Variants in HPS3 observed in about 807,000 individuals in gnomAD.
HPS3 encodes HPS3 biogenesis of lysosomal organelles complex 2 subunit 1.
Under a neutral mutation model 110.9 loss-of-function variants are expected in HPS3, and 79 were observed. The observed-to-expected ratio is 0.71, with a 90% CI of 0.59 to 0.86. The LOEUF is 0.86. Among genes scored for constraint, HPS3 ranks in the 40% least tolerant of loss-of-function variants. The probability of loss-of-function intolerance (pLI) is 0.00; values close to 1 mark genes in which losing one functional copy is unlikely to be tolerated. For missense variants in HPS3, 1,197 were observed against 1,206.2 expected (o/e 0.99, Z 0.11); for synonymous variants, 428 against 451.0 (o/e 0.95, Z 0.65).
Position 149,140,244 on chromosome 3 carries a change from C to G in HPS3, c.458C>G (p.Thr153Arg). ...AAAGGAGACCTTCTCGTTGGCTGCA[C>G]AAATAAATTAGTCTTATTTAGTTTG... ...PVKGDLLVGC[T>R]NKLVLFSLKY... The change falls in exon 2 of 17, where the codon ACA becomes AGA. Residue 153 changes from threonine to arginine, a missense_variant. By Grantham distance (71) the Thr-to-Arg change is moderately conservative (BLOSUM62 -1). Transcript: ENST00000296051. 6.2e-7 allele frequency: 1 copy of G among 1,614,090 alleles called. No individual in the cohort carries two copies. Among genetic ancestry groups the G allele is most frequent in the Non-Finnish European group, 8.5e-7 (1 of 1,180,018 alleles).
chr3:149,142,412 C>G (rs1363202214), intron 4 of HPS3, among the ~76,000 whole-genome samples: 1 of 152,130 alleles, frequency 6.6e-6, no homozygotes, highest in Non-Finnish European at 1.5e-5. Context: ...GTTTTCAACC[C>G]TGCCACACAA....
chr3:149,152,987 A>T lies in HPS3; in HGVS notation c.1246-507A>T, dbSNP rs75025818. Among the ~76,000 whole-genome samples the T allele has an allele frequency of 5.7e-3, 863 of 152,348 alleles. 4 individuals carry two copies. The highest frequency in any genetic ancestry group is 0.019 in the African/African-American group (803 of 41,580). On this transcript the variant is annotated intron_variant, in intron 6 of 16. Coordinates refer to ENST00000296051, the MANE Select transcript of HPS3 (RefSeq NM_032383.5). ...TAACAGTCAGGGGCCATCGGAACATACAAGCATTTCTTTCACACACACATC... is the reference window on the plus strand; with the variant it reads ...TAACAGTCAGGGGCCATCGGAACATTCAAGCATTTCTTTCACACACACATC...
At chr3:149,153,009 C>T (rs1723227287) in intron 6 of HPS3, among the ~76,000 whole-genome samples, 1 of 152,226 alleles carries the variant, frequency 6.6e-6, no homozygotes, top group Non-Finnish European at 1.5e-5. Flanking sequence ...TTCACACACA[C>T]ATCCGCAAAG....
rs141023798 is a variant in HPS3 at position 149,160,191 on chromosome 3, C to A, written c.2018C>A (p.Ser673Ter). Reference sequence around the variant, plus strand: ...AAGCTGGATACTTCTGGGTTTTCATCGATCTTAGTGACATTGACCAAGGCA... The same window carrying A: ...AAGCTGGATACTTCTGGGTTTTCATAGATCTTAGTGACATTGACCAAGGCA... ...LRKLDTSGFS[S>*]ILVTLTKAAV... The change falls in exon 11 of 17, where the codon TCG becomes TAG. Residue 673 changes from serine to a stop codon, truncating the protein, a stop_gained. Transcript: ENST00000296051. LOFTEE classifies it high-confidence loss of function. 1.9e-6 allele frequency: 3 copies of A among 1,613,796 alleles called. No homozygotes were observed. The South Asian group carries it at 3.3e-5, about 18-fold the overall frequency.
intron 10 of HPS3, among the ~76,000 whole-genome samples, chr3:149,159,127 G>A (rs1723635684): frequency 6.6e-6 from 1 of 152,170 alleles, no homozygotes; most frequent in Admixed American, 6.5e-5. Flanking sequence ...GTCCTCAGTA[G>A]AGCTACACAG....
At chr3:149,150,525 G>A (rs1576677799) in intron 5 of HPS3, 74 bp from the exon 6 acceptor site, 1 of 1,225,058 alleles carries the variant, frequency 8.2e-7, no homozygotes, top group Non-Finnish European at 1.2e-6. Context: ...CTGTTTGCCT[G>A]TGAAACCCTC....
intron 1 of HPS3, among the ~76,000 whole-genome samples, chr3:149,133,284 T>A (rs75872726): frequency 0.022 from 3,292 of 152,106 alleles, 69 homozygotes; most frequent in Middle Eastern, 0.058. Context: ...TTGTTTTATT[T>A]TTTTATTTTA....
At position 149,129,662 on chromosome 3, in the gene HPS3, A is replaced by C; in HGVS notation, c.-62A>C. On this transcript the variant is annotated 5_prime_UTR_variant, in exon 1 of 17. Coordinates refer to ENST00000296051, the MANE Select transcript of HPS3 (RefSeq NM_032383.5). Reference sequence around the variant, plus strand: ...CGGAAGTAGTCCTACATTCGCGGTCAGCGCGGGGTCTCCGGGCGCCCTGCA... The same window carrying C: ...CGGAAGTAGTCCTACATTCGCGGTCCGCGCGGGGTCTCCGGGCGCCCTGCA... The C allele has an allele frequency of 7.7e-7, 1 of 1,304,860 alleles. No individual in the cohort carries two copies. Among genetic ancestry groups the C allele is most frequent in the Non-Finnish European group, 1.0e-6 (1 of 980,158 alleles). 80.8% of individuals were successfully genotyped at this position (1,304,860 alleles called of 1,614,324 possible).
chr3:149,162,466 G>A (rs1328123793), intron 12 of HPS3, 133 bp downstream of exon 12: 4 of 917,104 alleles, frequency 4.4e-6, no homozygotes, highest in Non-Finnish European at 6.9e-6. Context: ...CAGTTTATAA[G>A]ATAAAAGTAC....
intron 13 of HPS3, 42 bp downstream of exon 13, chr3:149,162,920 G>A (rs1160551275): frequency 6.9e-7 from 1 of 1,446,976 alleles, no homozygotes; most frequent in Admixed American, 1.7e-5. Context: ...CTCATGCATT[G>A]CCCATTACAA....
At chr3:149,144,419 C>T (rs1722668406) in intron 4 of HPS3, among the ~76,000 whole-genome samples, 1 of 152,096 alleles carries the variant, frequency 6.6e-6, no homozygotes, top group South Asian at 2.1e-4. Context: ...TTGATACCAC[C>T]AGATATCCAG....
Position 149,140,486 on chromosome 3 carries a change from C to T in HPS3, c.700C>T (p.Arg234Trp), listed in dbSNP as rs371986139. Residue 234 changes from arginine to tryptophan, a missense_variant, in exon 2 of 17, where the codon CGG becomes TGG. Transcript: ENST00000296051. ...HPHKTNNRIR[R>W]TEEGISNEIS... Reference sequence around the variant, plus strand: ...ACATAAGACCAACAATCGAATAAGACGGACAGAAGAAGGTAAATAATGAAT... The same window carrying T: ...ACATAAGACCAACAATCGAATAAGATGGACAGAAGAAGGTAAATAATGAAT... The T allele has an allele frequency of 5.6e-5, 90 of 1,613,872 alleles. 1 individual carries two copies. In the Middle Eastern group the frequency reaches 8.2e-4, roughly 15 times the overall value.
chr3:149,147,673 G>T (rs2108141649), intron 5 of HPS3, among the ~76,000 whole-genome samples: 1 of 152,222 alleles, frequency 6.6e-6, no homozygotes, highest in Non-Finnish European at 1.5e-5. Flanking sequence ...TTGGAGTGTA[G>T]AGCCCTGAAA....
intron 5 of HPS3, 41 bp downstream of exon 5, chr3:149,145,587 T>C (rs201907977): frequency 1.1e-5 from 17 of 1,500,698 alleles, no homozygotes; most frequent in Admixed American, 6.7e-5. Flanking sequence ...GAGTCACTTA[T>C]TTGTAAATTT....
rs767538487 is a variant in HPS3 at position 149,157,522 on chromosome 3, G to A, written c.1682G>A (p.Cys561Tyr). Residue 561 changes from cysteine (C) to tyrosine (Y), a missense_variant, in exon 9 of 17, where the codon TGT becomes TAT. By Grantham distance (194) the Cys-to-Tyr change is radical. Transcript: ENST00000296051. ...GAAAGCTGTGGGCACCTTGGGGACTGTTACAGCAGGTGGGTGACACCTCTT... is the reference window on the plus strand; with the variant it reads ...GAAAGCTGTGGGCACCTTGGGGACTATTACAGCAGGTGGGTGACACCTCTT... ...FKESCGHLGD[C>Y]YSRLDSQHSH... 1.2e-6 allele frequency: 2 copies of A among 1,613,480 alleles called. No individual in the cohort carries two copies. The highest frequency in any genetic ancestry group is 2.7e-5 in the African/African-American group (2 of 74,902).
chr3:149,161,788 G>T (rs1362670115), intron 11 of HPS3, among the ~76,000 whole-genome samples: 1 of 152,184 alleles, frequency 6.6e-6, no homozygotes, highest in Non-Finnish European at 1.5e-5. Flanking sequence ...GGGATTACAG[G>T]TGTGAGCTAC....
intron 11 of HPS3, 70 bp downstream of exon 11, chr3:149,160,349 C>A: frequency 1.0e-6 from 1 of 971,562 alleles, no homozygotes; most frequent in Non-Finnish European, 1.6e-6. Context: ...GTTTAGCTGT[C>A]TTCTGGCTTC....
At position 149,145,405 on chromosome 3, in the gene HPS3, G is replaced by A. The variant is rs138254267; in HGVS notation, c.1022G>A (p.Ser341Asn). Reference protein sequence around the residue: ...KNLSQEKELLSLFCFFSLPHV... With the variant: ...KNLSQEKELLNLFCFFSLPHV... ...TTGTCTCAGGAAAAAGAATTGCTGA[G>A]TCTCTTTTGCTTTTTCTCCTTACCT... The change falls in exon 5 of 17, where the codon AGT (serine) becomes AAT (asparagine). Residue 341 changes from serine (S) to asparagine (N), a missense_variant. Ser to Asn is a conservative substitution (Grantham distance 46, BLOSUM62 1). Transcript: ENST00000296051. 62 of 1,613,876 alleles carry A rather than the reference G, an allele frequency of 3.8e-5. No individual in the cohort carries two copies. Among genetic ancestry groups the A allele is most frequent in the Admixed American group, 6.7e-5 (4 of 59,998 alleles).
chr3:149,139,142 T>C (rs1022372077), intron 1 of HPS3, among the ~76,000 whole-genome samples: 8 of 152,216 alleles, frequency 5.3e-5, no homozygotes, highest in Non-Finnish European at 1.2e-4. Context: ...AAGGGAATTA[T>C]TGAATAAATT....
Sources: gnomAD v4.1 joint callset for allele counts (sites outside exome capture counted in the v4.1 genomes callset) on GRCh38, gnomAD v4.1.1 for gene constraint, MANE v1.5 for transcripts, NCBI Gene and HGNC (gene_info 2026-07-23, HGNC 2026-07-21) for gene names.